KIF16B: variants seen among roughly 807,000 people sequenced by gnomAD.
KIF16B encodes kinesin-like protein KIF16B.
A neutral mutation model predicts 156.3 loss-of-function variants in KIF16B; 98 were observed. The observed-to-expected ratio is 0.63, with a 90% CI of 0.53 to 0.74. KIF16B has a LOEUF of 0.74. KIF16B is among the 30% of genes least tolerant of loss of function. KIF16B has a pLI of 0.00. For missense variants in KIF16B, 1,421 were observed against 1,606.5 expected (o/e 0.88, Z 1.97); for synonymous variants, 564 against 583.7 (o/e 0.97, Z 0.49).
At chr20:16,326,345 A>G (rs1378598797) in intron 24 of KIF16B, among the ~76,000 whole-genome samples, 1 of 152,070 alleles carries the variant, frequency 6.6e-6, no homozygotes, top group Non-Finnish European at 1.5e-5. Context: ...AAAAGAAATA[A>G]TCAGCAGAAT....
intron 23 of KIF16B, among the ~76,000 whole-genome samples, chr20:16,343,716 G>T (rs1458260068): frequency 6.6e-6 from 1 of 152,074 alleles, no homozygotes; most frequent in African/African-American, 2.4e-5. Flanking sequence ...AATGGATAAG[G>T]TTTAATTAAA....
chr20:16,548,468 A>G (rs2070499331), intron 1 of KIF16B, among the ~76,000 whole-genome samples: 1 of 152,238 alleles, frequency 6.6e-6, no homozygotes, highest in Middle Eastern at 3.2e-3. Flanking sequence ...GGTCAGCGGC[A>G]GGCAAGCGAG....
Position 16,397,795 on chromosome 20 carries a change from T to C in KIF16B, c.1784+7018A>G, listed in dbSNP as rs146227890. Reference sequence around the variant, plus strand: ...TGTGTGGGTGAGAGACTCACAAAGATAGGGGCCAAGTAATGTGGAGATAGA... The same window carrying C: ...TGTGTGGGTGAGAGACTCACAAAGACAGGGGCCAAGTAATGTGGAGATAGA... On this transcript the variant is annotated intron_variant, in intron 17 of 25. Transcript: ENST00000354981. 9.3e-3 allele frequency among the ~76,000 whole-genome samples: 1,417 copies of C among 152,320 alleles called. 23 individuals carry two copies. Among genetic ancestry groups the C allele is most frequent in the African/African-American group, 0.032 (1,342 of 41,568 alleles).
intron 1 of KIF16B, among the ~76,000 whole-genome samples, chr20:16,560,387 G>A (rs1210858656): frequency 2.0e-5 from 3 of 152,230 alleles, no homozygotes; most frequent in Non-Finnish European, 4.4e-5. Context: ...TCCCTGTGAT[G>A]GCTTAGACTT....
At chr20:16,275,191 C>A (rs915436254) in intron 25 of KIF16B, among the ~76,000 whole-genome samples, 1 of 151,830 alleles carries the variant, frequency 6.6e-6, no homozygotes, top group African/African-American at 2.4e-5. Flanking sequence ...GTAGCTGGGA[C>A]TACAGGCATG....
intron 3 of KIF16B, among the ~76,000 whole-genome samples, chr20:16,518,765 A>C (rs1487972110): frequency 6.6e-6 from 1 of 152,174 alleles, no homozygotes; most frequent in East Asian, 1.9e-4. Flanking sequence ...GTTCAAGGTT[A>C]AGGGAAAATT....
At chr20:16,488,539 C>T (rs2068190891) in intron 12 of KIF16B, among the ~76,000 whole-genome samples, 1 of 152,172 alleles carries the variant, frequency 6.6e-6, no homozygotes, top group African/African-American at 2.4e-5. Context: ...GATTCCTCCT[C>T]TTAAAGGATC....
chr20:16,324,255 C>T (rs2063811424), intron 24 of KIF16B, among the ~76,000 whole-genome samples: 1 of 151,886 alleles, frequency 6.6e-6, no homozygotes, highest in Non-Finnish European at 1.5e-5. Context: ...TTGGTCTCAT[C>T]TAGAGAATTC....
chr20:16,560,983 T>G (rs2071036394), intron 1 of KIF16B, among the ~76,000 whole-genome samples: 1 of 151,574 alleles, frequency 6.6e-6, no homozygotes, highest in Admixed American at 6.6e-5. Flanking sequence ...AACAATCATC[T>G]TTTTTTAAAA....
chr20:16,568,285 A>G (rs2071333338), intron 1 of KIF16B, among the ~76,000 whole-genome samples: 1 of 152,110 alleles, frequency 6.6e-6, no homozygotes, highest in Admixed American at 6.6e-5. Flanking sequence ...TTGCCCTATC[A>G]GATAAGCAAG....
intron 15 of KIF16B, among the ~76,000 whole-genome samples, chr20:16,414,382 G>C (rs2066035068): frequency 6.6e-6 from 1 of 152,096 alleles, no homozygotes; most frequent in South Asian, 2.1e-4. Flanking sequence ...CAGATCATCA[G>C]TTAGTAATTC....
At chr20:16,501,524 C>T (rs76841054) in intron 10 of KIF16B, among the ~76,000 whole-genome samples, 16,351 of 151,922 alleles carry the variant, frequency 0.11, 1,095 homozygotes, top group East Asian at 0.33. Flanking sequence ...GAAATGTATC[C>T]ATATGTTCAC....
Position 16,359,667 on chromosome 20 carries a change from A to C in KIF16B, c.3499-3215T>G, listed in dbSNP as rs1035713737. On this transcript the variant is annotated intron_variant, in intron 22 of 25. Coordinates refer to ENST00000354981, the MANE Select transcript of KIF16B (RefSeq NM_024704.5). ...ATAGATTCTTTACAAAAAAAAAAAA[A>C]AAAAAAACCCTGCCTTTGACAATTT... Among the ~76,000 whole-genome samples the C allele has an allele frequency of 8.5e-5, 13 of 152,134 alleles. 1 individual carries two copies. Among genetic ancestry groups the C allele is most frequent in the Admixed American group, 2.0e-4 (3 of 15,296 alleles).
rs1288451768 is a variant in KIF16B, at chr20:16,380,248, A to G, written c.1839-85T>C. 1.6e-5 allele frequency: 20 copies of G among 1,253,492 alleles called. No homozygotes were observed. The South Asian group carries it at 2.0e-4, about 13-fold the overall frequency. The allele number at this position is 1,253,492 out of a possible 1,614,324, so 77.6% of individuals were successfully genotyped here. A position where few individuals can be genotyped will look rare whatever the true frequency, so the allele number is the denominator to read the frequency against. On this transcript the variant is annotated intron_variant, in intron 18 of 25. Transcript: ENST00000354981. ...TTACTGAAATGTTCTGAAAATGCAC[A>G]TACAACCAGGTCAAAGCCTCCATTA...
At chr20:16,367,581 C>A in intron 22 of KIF16B, 1 of 1,612,906 alleles carries the variant, frequency 6.2e-7, no homozygotes, top group Non-Finnish European at 8.5e-7. Context: ...TTGTGTAGAG[C>A]AGTAACTGAA....
intron 1 of KIF16B, among the ~76,000 whole-genome samples, chr20:16,538,179 T>C (rs1347911938): frequency 2.0e-5 from 3 of 152,146 alleles, no homozygotes; most frequent in African/African-American, 7.2e-5. Flanking sequence ...GAAGCCCAGC[T>C]TCCTTCACAT....
rs542262301 is a variant in KIF16B, at chr20:16,429,226, C to T, written c.1423-222G>A. 2.0e-5 allele frequency among the ~76,000 whole-genome samples: 3 copies of T among 152,256 alleles called. No individual in the cohort carries two copies. The East Asian group carries it at 5.8e-4, about 29-fold the overall frequency. The stretch of plus-strand genomic sequence containing the variant: ...CAATGGTGAGGCCCTGCTTTGACAG[C>T]GTTAAATACTTTGCTCATGACAGGA... On this transcript the variant is annotated intron_variant, in intron 13 of 25. Coordinates refer to ENST00000354981, the MANE Select transcript of KIF16B (RefSeq NM_024704.5).
At chr20:16,505,675 T>C (rs2068752426) in intron 9 of KIF16B, 47 bp downstream of exon 9, 1 of 1,542,140 alleles carries the variant, frequency 6.5e-7, no homozygotes, top group African/African-American at 1.4e-5. Context: ...TTACAGTTAA[T>C]TCACAGAAAA....
At chr20:16,499,144 T>G (rs548769922) in intron 10 of KIF16B, among the ~76,000 whole-genome samples, 40 of 152,158 alleles carry the variant, frequency 2.6e-4, no homozygotes, top group Non-Finnish European at 3.5e-4. Context: ...CATAGGCGTC[T>G]GTGGGACCCA....
Sources: gnomAD v4.1 joint callset for allele counts (sites outside exome capture counted in the v4.1 genomes callset) on GRCh38, gnomAD v4.1.1 for gene constraint, MANE v1.5 for transcripts, NCBI Gene and HGNC (gene_info 2026-07-23, HGNC 2026-07-21) for gene names.